KCNT2: variants seen among roughly 807,000 people sequenced by gnomAD.
The protein encoded by KCNT2 is potassium sodium-activated channel subfamily T member 2.
Under a neutral mutation model 153.8 loss-of-function variants are expected in KCNT2, and 67 were observed. That is an observed-to-expected ratio of 0.44 (90% CI 0.36 to 0.53). The LOEUF (loss-of-function observed/expected upper bound fraction) is 0.53, where lower values mean the gene tolerates loss of function less well. KCNT2 is among the 20% of genes least tolerant of loss of function. KCNT2 has a pLI of 0.00. For missense variants in KCNT2, 975 were observed against 1,354.8 expected, an observed-to-expected ratio of 0.72 and a Z score of 4.40; for synonymous variants, 500 against 458.8, an observed-to-expected ratio of 1.09 and a Z score of -1.15.
chr1:196,350,927 G>A (rs1572134612), intron 14 of KCNT2, among the ~76,000 whole-genome samples: 1 of 152,130 alleles, frequency 6.6e-6, no homozygotes, highest in Non-Finnish European at 1.5e-5. Flanking sequence ...CATATGGCTA[G>A]CCAGTTTTCC....
intron 26 of KCNT2, 76 bp from the exon 27 acceptor site, chr1:196,236,146 T>A: frequency 1.2e-6 from 1 of 807,230 alleles, no homozygotes; most frequent in Non-Finnish European, 2.2e-6. Context: ...ACAGCTTATA[T>A]TCAAACCATA....
chr1:196,418,020 T>A (rs754333412), intron 12 of KCNT2, among the ~76,000 whole-genome samples: 1 of 152,174 alleles, frequency 6.6e-6, no homozygotes, highest in Non-Finnish European at 1.5e-5. Context: ...GTGTTCACAT[T>A]ATTATGGCTG....
At chr1:196,374,602 A>G (rs1668798723) in intron 13 of KCNT2, among the ~76,000 whole-genome samples, 1 of 151,828 alleles carries the variant, frequency 6.6e-6, no homozygotes, top group South Asian at 2.1e-4. Flanking sequence ...CAGATTATTT[A>G]TTGCTTTGCA....
intron 3 of KCNT2, among the ~76,000 whole-genome samples, chr1:196,486,074 AC>A (rs1216787856): frequency 6.6e-6 from 1 of 151,926 alleles, no homozygotes; most frequent in Non-Finnish European, 1.5e-5. Flanking sequence ...AACAACAAAA[AC>A]ATTACAAATG....
At chr1:196,572,187 C>T (rs535509715) in intron 1 of KCNT2, among the ~76,000 whole-genome samples, 1 of 152,180 alleles carries the variant, frequency 6.6e-6, no homozygotes, top group African/African-American at 2.4e-5. Flanking sequence ...CCAACCTTCT[C>T]ACCAAAATTA....
At chr1:196,517,076 C>T (rs554650145) in intron 1 of KCNT2, among the ~76,000 whole-genome samples, 1 of 152,286 alleles carries the variant, frequency 6.6e-6, no homozygotes, top group East Asian at 1.9e-4. Flanking sequence ...TTACAGCCTT[C>T]ATGCTTGCTG....
At chr1:196,395,475 T>A (rs1670857478) in intron 13 of KCNT2, among the ~76,000 whole-genome samples, 1 of 151,628 alleles carries the variant, frequency 6.6e-6, no homozygotes, top group South Asian at 2.1e-4. Flanking sequence ...ACCAGTTGCT[T>A]AAAATAGCAC....
At chr1:196,321,793 G>A (rs1663343506) in intron 19 of KCNT2, among the ~76,000 whole-genome samples, 1 of 151,778 alleles carries the variant, frequency 6.6e-6, no homozygotes, top group Admixed American at 6.6e-5. Context: ...GAAAAAAGGT[G>A]GCTTAAAAGG....
rs781410401 is a variant in KCNT2, at chr1:196,342,119, C to T, written c.1513G>A (p.Gly505Arg). Residue 505 changes from glycine (G) to arginine (R), a missense_variant, in exon 15 of 28, where the codon GGA becomes AGA. By Grantham distance (125) the Gly-to-Arg change is moderately radical. Around this residue, in one of 6 missense-constraint regions of KCNT2, gnomAD observed 325 missense variants for 388.1 expected, o/e 0.84. Transcript: ENST00000294725. ...AAAGAGGCATATGTAAAACTCTTTC[C>T]TTCATATTCAGCAAAAAATGTACTT... ...EESTFFAEYE[G>R]KSFTYASFHA... The T allele has an allele frequency of 1.3e-5, 21 of 1,610,654 alleles. No individual in the cohort carries two copies. The highest frequency in any genetic ancestry group is 1.6e-4 in the Middle Eastern group (1 of 6,070).
intron 1 of KCNT2, among the ~76,000 whole-genome samples, chr1:196,557,958 C>T (rs1476374963): frequency 6.6e-6 from 1 of 151,234 alleles, no homozygotes; most frequent in Admixed American, 6.6e-5. Context: ...TCTCATTGTC[C>T]TTATGTAGCA....
At chr1:196,600,942 T>C (rs1009839488) in intron 1 of KCNT2, among the ~76,000 whole-genome samples, 13 of 152,202 alleles carry the variant, frequency 8.5e-5, no homozygotes, top group Admixed American at 7.2e-4. Flanking sequence ...GTTTTGACTT[T>C]GTACTGTGTA....
At chr1:196,541,266 C>T (rs1656327677) in intron 1 of KCNT2, among the ~76,000 whole-genome samples, 1 of 151,604 alleles carries the variant, frequency 6.6e-6, no homozygotes, top group Non-Finnish European at 1.5e-5. Context: ...ATGTTGAATA[C>T]ATTTGAAAAA....
intron 26 of KCNT2, among the ~76,000 whole-genome samples, chr1:196,237,889 T>C (rs904566375): frequency 6.6e-6 from 1 of 151,804 alleles, no homozygotes; most frequent in African/African-American, 2.4e-5. Flanking sequence ...TGGCAGGAGA[T>C]TACTAGGATT....
At chr1:196,376,447 A>G (rs1003889788) in intron 13 of KCNT2, among the ~76,000 whole-genome samples, 1 of 151,882 alleles carries the variant, frequency 6.6e-6, no homozygotes, top group Non-Finnish European at 1.5e-5. Context: ...TCAGTGCAGG[A>G]ACTACCACCA....
chr1:196,351,665 C>G (rs925119391), intron 14 of KCNT2, among the ~76,000 whole-genome samples: 55 of 152,050 alleles, frequency 3.6e-4, no homozygotes, highest in African/African-American at 1.3e-3. Flanking sequence ...GACAATTTGA[C>G]TTCCTCTTTT....
chr1:196,321,007 T>C (rs1311619759), intron 19 of KCNT2, among the ~76,000 whole-genome samples: 1 of 151,628 alleles, frequency 6.6e-6, no homozygotes, highest in Non-Finnish European at 1.5e-5. Context: ...ATTTTTTTTT[T>C]ATCATTATCC....
chr1:196,426,514 A>G (rs1673668450), intron 10 of KCNT2, among the ~76,000 whole-genome samples: 1 of 152,048 alleles, frequency 6.6e-6, no homozygotes, highest in Non-Finnish European at 1.5e-5. Flanking sequence ...AAGTAAATTA[A>G]ATGAACATGA....
At chr1:196,397,937 G>A (rs192044532) in intron 13 of KCNT2, among the ~76,000 whole-genome samples, 23 of 151,002 alleles carry the variant, frequency 1.5e-4, no homozygotes, top group African/African-American at 4.6e-4. Flanking sequence ...CAACATTAGC[G>A]GTTTTTTTTA....
At chr1:196,522,058 T>C (rs144243032) in intron 1 of KCNT2, among the ~76,000 whole-genome samples, 2,474 of 152,304 alleles carry the variant, frequency 0.016, 38 homozygotes, top group Middle Eastern at 0.072. Flanking sequence ...TGTAGTTTTG[T>C]CTAACAATAC....
Sources: allele counts gnomAD v4.1 joint callset (sites outside exome capture counted in the v4.1 genomes callset), GRCh38; gene constraint gnomAD v4.1.1; regional missense constraint gnomAD v4.1.1; transcripts MANE v1.5; gene names NCBI Gene and HGNC (gene_info 2026-07-23, HGNC 2026-07-21).